Variants in SPOCK1 observed in about 807,000 individuals in gnomAD.
SPOCK1 encodes testican-1.
In SPOCK1, 23 loss-of-function variants were observed where a neutral mutation model predicts 55.3. The ratio of observed to expected loss-of-function variants is 0.42; its 90% CI spans 0.30 to 0.59. The LOEUF (loss-of-function observed/expected upper bound fraction) is 0.59. Ranked by LOEUF, SPOCK1 falls within the 20% of genes least tolerant of loss-of-function variation. The probability of loss-of-function intolerance (pLI) is 0.22; values close to 1 mark genes in which losing one functional copy is unlikely to be tolerated. For synonymous variants in SPOCK1, 226 were observed against 221.0 expected (o/e 1.02, Z -0.20); for missense variants, 499 against 552.5 (o/e 0.90, Z 0.97).
At chr5:137,215,881 T>C (rs1321835027) in intron 3 of SPOCK1, among the ~76,000 whole-genome samples, 3 of 152,208 alleles carry the variant, frequency 2.0e-5, no homozygotes, top group Non-Finnish European at 4.4e-5. Flanking sequence ...TAGGAACACA[T>C]AACTACCTAT....
chr5:137,160,529 TA>T (rs1194978830), intron 3 of SPOCK1, among the ~76,000 whole-genome samples: 1 of 63,002 alleles, frequency 1.6e-5, no homozygotes, highest in Non-Finnish European at 3.0e-5. Flanking sequence ...ATATAATATA[TA>T]AAAATATATA....
At chr5:137,131,844 C>A (rs1279777757) in intron 4 of SPOCK1, among the ~76,000 whole-genome samples, 1 of 143,664 alleles carries the variant, frequency 7.0e-6, no homozygotes, top group African/African-American at 2.6e-5. Flanking sequence ...TAGGGGCGGG[C>A]GCCTGTAGTC....
chr5:137,438,159 G>A (rs1317200672), intron 2 of SPOCK1, among the ~76,000 whole-genome samples: 1 of 152,014 alleles, frequency 6.6e-6, no homozygotes, highest in African/African-American at 2.4e-5. Flanking sequence ...GGAGAGGTAA[G>A]GGGGCAGTGA....
chr5:137,425,747 A>C (rs148935909), intron 2 of SPOCK1, among the ~76,000 whole-genome samples: 1 of 152,214 alleles, frequency 6.6e-6, no homozygotes, highest in African/African-American at 2.4e-5. Flanking sequence ...TTGAGTGTCA[A>C]TTTTACATGG....
At chr5:137,016,295 T>C (rs1751446517) in intron 6 of SPOCK1, among the ~76,000 whole-genome samples, 1 of 152,154 alleles carries the variant, frequency 6.6e-6, no homozygotes, top group Non-Finnish European at 1.5e-5. Flanking sequence ...TCACACATTG[T>C]CAGGCAGAAT....
chr5:137,338,141 G>T (rs1180045277), intron 2 of SPOCK1, among the ~76,000 whole-genome samples: 1 of 152,010 alleles, frequency 6.6e-6, no homozygotes, highest in African/African-American at 2.4e-5. Context: ...TTAGCATTAG[G>T]TATATCTCCT....
At chr5:136,990,145 C>T (rs1275773300) in intron 7 of SPOCK1, among the ~76,000 whole-genome samples, 2 of 152,064 alleles carry the variant, frequency 1.3e-5, no homozygotes, top group Admixed American at 6.6e-5. Context: ...CTCCTGACCT[C>T]GTGATCCACC....
chr5:137,107,775 C>T (rs889039174), intron 5 of SPOCK1, among the ~76,000 whole-genome samples: 3 of 152,178 alleles, frequency 2.0e-5, no homozygotes, highest in African/African-American at 7.2e-5. Flanking sequence ...CAGATACCAG[C>T]ATCAAGAACA....
At chr5:137,092,030 T>A (rs1222602391) in intron 5 of SPOCK1, among the ~76,000 whole-genome samples, 1 of 152,110 alleles carries the variant, frequency 6.6e-6, no homozygotes, top group Non-Finnish European at 1.5e-5. Context: ...ATCTGGCCCC[T>A]GCTCACCTCT....
chr5:137,402,932 G>A (rs548955579), intron 2 of SPOCK1, among the ~76,000 whole-genome samples: 2 of 152,304 alleles, frequency 1.3e-5, no homozygotes, highest in East Asian at 3.9e-4. Context: ...GGCTTACAGA[G>A]TTGTGAGAAA....
chr5:137,399,295 T>C (rs945381821), intron 2 of SPOCK1, among the ~76,000 whole-genome samples: 1 of 152,194 alleles, frequency 6.6e-6, no homozygotes, highest in Non-Finnish European at 1.5e-5. Context: ...CATTTAATTC[T>C]AATAAACCTA....
intron 2 of SPOCK1, among the ~76,000 whole-genome samples, chr5:137,407,667 T>C (rs971413126): frequency 2.0e-4 from 30 of 152,076 alleles, no homozygotes; most frequent in African/African-American, 6.8e-4. Context: ...GGCTAGACCA[T>C]AGAGAGAACT....
intron 2 of SPOCK1, among the ~76,000 whole-genome samples, chr5:137,462,158 A>G (rs1269764599): frequency 6.6e-6 from 1 of 152,254 alleles, no homozygotes; most frequent in African/African-American, 2.4e-5. Context: ...GGCCACCAGG[A>G]GGCCACATCT....
chr5:137,225,344 A>G (rs553158959), intron 3 of SPOCK1, among the ~76,000 whole-genome samples: 2 of 152,284 alleles, frequency 1.3e-5, no homozygotes, highest in Admixed American at 6.5e-5. Flanking sequence ...GTTACTGTAG[A>G]AATAAAATAG....
In SPOCK1 at chr5:137,055,855, G is replaced by A. The variant is rs190034296; in HGVS notation, c.589+11860C>T. ...TTCCCAGTGCAGAGGAGCCAGAAAC[G>A]CACAGCAGTTACCTGTTAGCCTGAG... On this transcript the variant is annotated intron_variant, in intron 6 of 10. Coordinates refer to ENST00000394945, the MANE Select transcript of SPOCK1 (RefSeq NM_004598.4). Among the ~76,000 whole-genome samples, 41 of 152,252 alleles carry A rather than the reference G, an allele frequency of 2.7e-4. No homozygotes were observed. In the East Asian group the frequency reaches 4.4e-3, roughly 16 times the overall value.
intron 2 of SPOCK1, among the ~76,000 whole-genome samples, chr5:137,426,020 G>A (rs1000924507): frequency 1.3e-5 from 2 of 149,908 alleles, no homozygotes; most frequent in East Asian, 2.0e-4. Context: ...CTAGCTTAGC[G>A]TCTATCCAGA....
chr5:137,111,524 T>C (rs202161133), intron 5 of SPOCK1, among the ~76,000 whole-genome samples: 8 of 152,132 alleles, frequency 5.3e-5, no homozygotes, highest in Non-Finnish European at 8.8e-5. Flanking sequence ...CAATGTTAGA[T>C]CCTCAGGGGA....
chr5:137,146,996 A>G (rs1407772346), intron 3 of SPOCK1, among the ~76,000 whole-genome samples: 1 of 152,200 alleles, frequency 6.6e-6, no homozygotes, highest in Non-Finnish European at 1.5e-5. Flanking sequence ...CCCTCCTGGG[A>G]AGAGACCTTT....
At chr5:137,441,368 A>C (rs552522890) in intron 2 of SPOCK1, among the ~76,000 whole-genome samples, 14 of 152,268 alleles carry the variant, frequency 9.2e-5, no homozygotes, top group African/African-American at 3.1e-4. Flanking sequence ...GGAAATCACC[A>C]CCTTTCTCCA....
Sources: gnomAD v4.1 joint callset for allele counts (sites outside exome capture counted in the v4.1 genomes callset) on GRCh38, gnomAD v4.1.1 for gene constraint, MANE v1.5 for transcripts, NCBI Gene and HGNC (gene_info 2026-07-23, HGNC 2026-07-21) for gene names.